CAST: variants seen among roughly 807,000 people sequenced by gnomAD.
The protein encoded by CAST is calpastatin, also known as MIR583 host.
Under a neutral mutation model 119.6 loss-of-function variants are expected in CAST, and 76 were observed. The observed-to-expected ratio is 0.64, with a 90% CI of 0.53 to 0.77. The LOEUF is 0.77. CAST is among the 30% of genes least tolerant of loss of function. The pLI is 0.00. For synonymous variants in CAST, 319 were observed against 331.6 expected (o/e 0.96, Z 0.41); for missense variants, 953 against 946.5 (o/e 1.01, Z -0.09).
At chr5:96,216,315 C>A in the CAST span, among the ~76,000 whole-genome samples, 1 of 152,094 alleles carries the variant, frequency 6.6e-6, no homozygotes, top group African/African-American at 2.4e-5. Context: ...CCCTAACCCC[C>A]ACATTGTTCA....
At chr5:96,748,772 GC>G in intron 19 of CAST, 159 bp downstream of exon 19, 2 of 553,196 alleles carry the variant, frequency 3.6e-6, no homozygotes, top group Admixed American at 3.4e-5. Context: ...TGTGCTTTCT[GC>G]CCCAACCTAA....
the CAST span, among the ~76,000 whole-genome samples, chr5:96,272,383 A>AT: frequency 6.6e-6 from 1 of 152,204 alleles, no homozygotes; most frequent in Non-Finnish European, 1.5e-5. Context: ...CCAGGGATGA[A>AT]TAAAAAAATG....
At chr5:96,448,562 T>TGCTTTCTGCC in the CAST span, among the ~76,000 whole-genome samples, 1 of 152,210 alleles carries the variant, frequency 6.6e-6, no homozygotes, top group African/African-American at 2.4e-5. Flanking sequence ...ATGTTTCTGC[T>TGCTTTCTGCC]GCTTTCTGCC....
chr5:96,105,725 G>C, the CAST span, among the ~76,000 whole-genome samples: 1 of 152,152 alleles, frequency 6.6e-6, no homozygotes, highest in Non-Finnish European at 1.5e-5. Context: ...GCCCGACTTT[G>C]GTATCAGGAT....
At chr5:96,316,586 T>C in the CAST span, among the ~76,000 whole-genome samples, 2 of 152,212 alleles carry the variant, frequency 1.3e-5, no homozygotes, top group African/African-American at 4.8e-5. Flanking sequence ...AAAAGTCAGG[T>C]TGAAAGCACC....
chr5:96,658,882 C>T (rs1748201879), upstream of CAST, among the ~76,000 whole-genome samples: 1 of 151,894 alleles, frequency 6.6e-6, no homozygotes, highest in South Asian at 2.1e-4. Context: ...GGATCTAAAA[C>T]TCTTATGCTT....
chr5:96,270,695 G>A, the CAST span, among the ~76,000 whole-genome samples: 10 of 152,038 alleles, frequency 6.6e-5, no homozygotes, highest in Non-Finnish European at 1.3e-4. Context: ...AACACACACT[G>A]GGGCCTATCC....
At chr5:96,622,857 C>CTTTTTTTTTTTTTTTTT (rs5869727) in intron 1 of CAST, among the ~76,000 whole-genome samples, 1 of 64,468 alleles carries the variant, frequency 1.6e-5, no homozygotes, top group African/African-American at 7.2e-5. Context: ...TTATGGGACT[C>CTTTTTTTTTTTTTTTTT]TTTTTTTTTT....
chr5:96,385,972 C>G, the CAST span, among the ~76,000 whole-genome samples: 1 of 152,214 alleles, frequency 6.6e-6, no homozygotes. Flanking sequence ...TTGCTATCTG[C>G]ATGACCTTAA....
At chr5:96,053,086 C>G in the CAST span, among the ~76,000 whole-genome samples, 1 of 152,136 alleles carries the variant, frequency 6.6e-6, no homozygotes, top group African/African-American at 2.4e-5. Flanking sequence ...TATTTTTTCC[C>G]TTAAGCCTAA....
chr5:96,621,969 C>CTTTTTTTTTTT (rs35728460), intron 1 of CAST, among the ~76,000 whole-genome samples: 3 of 113,700 alleles, frequency 2.6e-5, no homozygotes, highest in Admixed American at 1.0e-4. Flanking sequence ...CTTTTTTTCT[C>CTTTTTTTTTTT]TTTTTTTTTT....
At chr5:96,091,242 G>A in the CAST span, among the ~76,000 whole-genome samples, 32 of 147,966 alleles carry the variant, frequency 2.2e-4, no homozygotes, top group African/African-American at 6.8e-4. Flanking sequence ...TCGCTCTGTC[G>A]CCCAGGCTGG....
the CAST span, among the ~76,000 whole-genome samples, chr5:96,102,253 G>C: frequency 6.6e-6 from 1 of 152,128 alleles, no homozygotes; most frequent in African/African-American, 2.4e-5. Flanking sequence ...TAGCGATGGA[G>C]TGACTTTCAG....
At chr5:96,703,506 T>C (rs1310487751) in intron 3 of CAST, among the ~76,000 whole-genome samples, 10 of 152,254 alleles carry the variant, frequency 6.6e-5, no homozygotes, top group Non-Finnish European at 1.5e-4. Context: ...AGGGTTACTT[T>C]GTGTCTATCT....
the CAST span, among the ~76,000 whole-genome samples, chr5:96,298,884 G>GTGTGTGTGTA: frequency 2.0e-5 from 3 of 151,800 alleles, no homozygotes; most frequent in Non-Finnish European, 4.4e-5. Context: ...AGGAGAGTGT[G>GTGTGTGTGTA]TGTGTGTGTG....
chr5:96,062,262 C>T, the CAST span, among the ~76,000 whole-genome samples: 1 of 152,112 alleles, frequency 6.6e-6, no homozygotes, highest in African/African-American at 2.4e-5. Flanking sequence ...CACCCAGAAA[C>T]TGCCTGTCTA....
At chr5:96,600,922 A>T (rs1747137999) in intron 1 of CAST, among the ~76,000 whole-genome samples, 1 of 152,172 alleles carries the variant, frequency 6.6e-6, no homozygotes, top group Admixed American at 6.5e-5. Flanking sequence ...ATCTCAAAAC[A>T]TACTAACCTC....
At chr5:96,385,914 A>G in the CAST span, among the ~76,000 whole-genome samples, 21 of 152,348 alleles carry the variant, frequency 1.4e-4, no homozygotes, top group African/African-American at 4.1e-4. Flanking sequence ...TATAAGGCAT[A>G]GCTTGGATGC....
chr5:96,472,999 T>C, the CAST span, among the ~76,000 whole-genome samples: 2 of 152,300 alleles, frequency 1.3e-5, no homozygotes, highest in Non-Finnish European at 2.9e-5. Context: ...CAATCTCTGC[T>C]CCCATAGCCA....
Sources: gnomAD v4.1 joint callset for allele counts (sites outside exome capture counted in the v4.1 genomes callset) on GRCh38, gnomAD v4.1.1 for gene constraint, MANE v1.5 for transcripts, NCBI Gene and HGNC (gene_info 2026-07-23, HGNC 2026-07-21) for gene names.